The following FNDC7 variants were observed in gnomAD, a reference collection of about 807,000 sequenced individuals.
FNDC7 encodes the protein fibronectin type III domain containing 7.
A neutral mutation model predicts 74.2 loss-of-function variants in FNDC7; 66 were observed. The ratio of observed to expected loss-of-function variants is 0.89; its 90% CI spans 0.73 to 1.09. The LOEUF (loss-of-function observed/expected upper bound fraction) is 1.09. Ranked by LOEUF, FNDC7 falls within the 50% of genes least tolerant of loss-of-function variation. The pLI, the probability that FNDC7 is intolerant of heterozygous loss-of-function variation, is 0.00. For synonymous variants in FNDC7, 307 were observed against 330.2 expected (o/e 0.93, Z 0.76); for missense variants, 829 against 893.4 (o/e 0.93, Z 0.92).
chr1:108,725,667 T>C, intron 5 of FNDC7, 83 bp from the exon 6 acceptor site: 2 of 1,449,752 alleles, frequency 1.4e-6, no homozygotes, highest in East Asian at 2.3e-5. Context: ...CTAATTTGGG[T>C]TGTATTGAAA....
chr1:108,722,256 G>C (rs1433134609), intron 4 of FNDC7, 79 bp from the exon 5 acceptor site: 3 of 1,360,466 alleles, frequency 2.2e-6, no homozygotes, highest in Non-Finnish European at 2.0e-6. Context: ...TATCCTCCAG[G>C]CTCTGCAACA....
At chr1:108,735,616 AT>A (rs1661492006) in intron 10 of FNDC7, among the ~76,000 whole-genome samples, 2 of 152,342 alleles carry the variant, frequency 1.3e-5, no homozygotes, top group South Asian at 4.1e-4. Context: ...TATATCCAAA[AT>A]ATTATCATTT....
At position 108,727,703 on chromosome 1, in the gene FNDC7, G is replaced by C; in HGVS notation, c.1112-105G>C. ...ATAGGGAGTCACTGTAGTCATCAGG[G>C]AGGGCAGTGGCAGAGGCTCTGGGCA... On this transcript the variant is annotated intron_variant, in intron 6 of 12. Coordinates refer to ENST00000370017, the MANE Select transcript of FNDC7 (RefSeq NM_001144937.3). The C allele has an allele frequency of 2.2e-6, 3 of 1,376,404 alleles. No individual in the cohort carries two copies. In the South Asian group the frequency reaches 3.9e-5, roughly 18 times the overall value. 85.3% of individuals were successfully genotyped at this position (1,376,404 alleles called of 1,614,324 possible). A position where few individuals can be genotyped will look rare whatever the true frequency, so the allele number is the denominator to read the frequency against.
chr1:108,716,320 GGTGT>G (rs141850435), intron 2 of FNDC7, among the ~76,000 whole-genome samples: 4,422 of 95,392 alleles, frequency 0.046, 113 homozygotes, highest in Middle Eastern at 0.085. Flanking sequence ...GCAGAAGAGA[GGTGT>G]GTGTGTGTGT....
chr1:108,727,529 C>A (rs769258783), intron 6 of FNDC7, among the ~76,000 whole-genome samples: 1 of 151,976 alleles, frequency 6.6e-6, no homozygotes, highest in South Asian at 2.1e-4. Flanking sequence ...CAAGGGCGCA[C>A]GTGGCGTGGG....
At chr1:108,740,686 G>A (rs1490511810) in intron 11 of FNDC7, among the ~76,000 whole-genome samples, 2 of 152,136 alleles carry the variant, frequency 1.3e-5, no homozygotes, top group African/African-American at 4.8e-5. Flanking sequence ...CTTGCTCTTA[G>A]TCAAGTTGTG....
At chr1:108,728,522 TG>T in intron 7 of FNDC7, 109 bp from the exon 8 acceptor site, 1 of 1,309,612 alleles carries the variant, frequency 7.6e-7, no homozygotes, top group Non-Finnish European at 1.1e-6. Flanking sequence ...ATGCATGACG[TG>T]GTTGAAAACT....
chr1:108,733,644 TCTTTC>T, intron 10 of FNDC7, 112 bp downstream of exon 10: 7 of 1,024,692 alleles, frequency 6.8e-6, no homozygotes, highest in Admixed American at 5.9e-5. Context: ...GTATAAAATT[TCTTTC>T]TTTTTTTTTT....
At chr1:108,736,198 C>T (rs1661510762) in intron 10 of FNDC7, among the ~76,000 whole-genome samples, 1 of 152,142 alleles carries the variant, frequency 6.6e-6, no homozygotes, top group Non-Finnish European at 1.5e-5. Context: ...TAACGTGTGC[C>T]TGCTTCGGCC....
intron 8 of FNDC7, among the ~76,000 whole-genome samples, chr1:108,729,322 G>A (rs941257536): frequency 1.3e-5 from 2 of 152,302 alleles, no homozygotes; most frequent in Admixed American, 1.3e-4. Flanking sequence ...GGCCGAGGCG[G>A]GCAGATCACG....
At chr1:108,724,158 G>T (rs1035489421) in intron 5 of FNDC7, among the ~76,000 whole-genome samples, 1 of 152,138 alleles carries the variant, frequency 6.6e-6, no homozygotes, top group Non-Finnish European at 1.5e-5. Flanking sequence ...AGAAGATTTT[G>T]TTCCATCAAT....
chr1:108,722,248 T>C lies in FNDC7; in HGVS notation c.599-87T>C, dbSNP rs553392867. On this transcript the variant is annotated intron_variant, in intron 4 of 12. Transcript: ENST00000370017. ...AATTATCCAACTATTGGGTACCTTA[T>C]CCTCCAGGCTCTGCAACATTGTTAT... 1.4e-5 allele frequency: 19 copies of C among 1,313,936 alleles called. No homozygotes were observed. In the African/African-American group the frequency reaches 2.5e-4, roughly 17 times the overall value. 81.4% of individuals were successfully genotyped at this position (1,313,936 alleles called of 1,614,324 possible). A position where few individuals can be genotyped will look rare whatever the true frequency, so the allele number is the denominator to read the frequency against.
intron 4 of FNDC7, 25 bp downstream of exon 4, chr1:108,719,074 G>A (rs773427610): frequency 1.1e-5 from 17 of 1,550,116 alleles, no homozygotes; most frequent in Middle Eastern, 1.7e-4. Context: ...GCTCAGCCTC[G>A]AACAATTCTA....
intron 2 of FNDC7, among the ~76,000 whole-genome samples, chr1:108,717,507 T>G (rs1332849221): frequency 6.6e-6 from 1 of 152,212 alleles, no homozygotes; most frequent in East Asian, 1.9e-4. Context: ...ATTTAGCTCT[T>G]TTAAAAGTAC....
chr1:108,713,765 A>G (rs1660920384), intron 2 of FNDC7, among the ~76,000 whole-genome samples: 1 of 152,222 alleles, frequency 6.6e-6, no homozygotes, highest in African/African-American at 2.4e-5. Flanking sequence ...CTTGCTGAGG[A>G]CTATAATGTA....
At chr1:108,727,022 C>G (rs1661233735) in intron 6 of FNDC7, among the ~76,000 whole-genome samples, 1 of 152,054 alleles carries the variant, frequency 6.6e-6, no homozygotes, top group Non-Finnish European at 1.5e-5. Context: ...TCTTTAGGGT[C>G]TCTTAAGACC....
rs1385849233 is a variant in FNDC7 at position 108,742,670 on chromosome 1, C to A, written c.*783C>A. 6.6e-6 allele frequency: 1 copy of A among 152,228 alleles called. No individual in the cohort carries two copies. The highest frequency in any genetic ancestry group is 1.9e-4 in the East Asian group (1 of 5,200). The allele number at this position is 152,228 out of a possible 1,614,324, so 9.4% of individuals were successfully genotyped here. A position where few individuals can be genotyped will look rare whatever the true frequency, so the allele number is the denominator to read the frequency against. On this transcript the variant is annotated 3_prime_UTR_variant, in exon 13 of 13. Coordinates refer to ENST00000370017, the MANE Select transcript of FNDC7 (RefSeq NM_001144937.3). ...CATCCATCTTATTGGCCATATCCCC[C>A]ACTCATATTGTAATTACTTTTTTCA...
At chr1:108,728,203 C>G (rs758682316) in intron 7 of FNDC7, 138 bp downstream of exon 7, 11 of 1,126,476 alleles carry the variant, frequency 9.8e-6, no homozygotes, top group African/African-American at 3.1e-5. Context: ...AGAGAGCCCC[C>G]GTTGTACGAA....
chr1:108,724,606 T>A (rs763210921), intron 5 of FNDC7, among the ~76,000 whole-genome samples: 37 of 151,604 alleles, frequency 2.4e-4, no homozygotes, highest in African/African-American at 8.7e-4. Context: ...ATACAAAAAT[T>A]AGCTGCTCAT....
Sources: gnomAD v4.1 joint callset for allele counts (sites outside exome capture counted in the v4.1 genomes callset) on GRCh38, gnomAD v4.1.1 for gene constraint, MANE v1.5 for transcripts, NCBI Gene and HGNC (gene_info 2026-07-23, HGNC 2026-07-21) for gene names.